Variants in WDR49 observed in about 807,000 individuals in gnomAD.
The protein encoded by WDR49 is WD repeat domain 49.
In WDR49, 107 loss-of-function variants were observed where a neutral mutation model predicts 119.5. That is an observed-to-expected ratio of 0.90 (90% CI 0.77 to 1.05). The LOEUF is 1.05. Ranked by LOEUF, WDR49 falls within the 50% of genes least tolerant of loss-of-function variation. WDR49 has a pLI of 0.00. For missense variants in WDR49, 1,240 were observed against 1,220.5 expected, an observed-to-expected ratio of 1.02 and a Z score of -0.24; for synonymous variants, 425 against 418.8, an observed-to-expected ratio of 1.01 and a Z score of -0.18.
rs183060007 is a variant in WDR49 at position 167,493,495 on chromosome 3, G to T, written c.3031+6658C>A. On this transcript the variant is annotated intron_variant, in intron 18 of 18. Transcript: ENST00000682715. ...TGGTTTCTGGTAACTTCCACGTACA[G>T]CATCTCCGTGGGTTTGCCATTCAGT... is the stretch of plus-strand genomic sequence containing the variant. 2.0e-5 allele frequency among the ~76,000 whole-genome samples: 3 copies of T among 152,252 alleles called. No individual in the cohort carries two copies. The East Asian group carries it at 5.8e-4, about 29-fold the overall frequency.
At position 167,532,763 on chromosome 3, in the gene WDR49, G is replaced by T. The variant is rs139515211; in HGVS notation, c.2053+116C>A. ...AGACAATGATATCCTTAATCCTTCA[G>T]GCTTATAGCCAATCATCTATAATTT... On this transcript the variant is annotated intron_variant, in intron 12 of 18. Transcript: ENST00000682715. 1,369 of 662,676 alleles carry T rather than the reference G, an allele frequency of 2.1e-3. 14 individuals carry two copies. The East Asian group carries it at 0.023, about 11-fold the overall frequency. The allele number at this position is 662,676 out of a possible 1,614,324, so 41.0% of individuals were successfully genotyped here.
At chr3:167,515,136 C>A (rs1752151171) in intron 16 of WDR49, among the ~76,000 whole-genome samples, 1 of 152,120 alleles carries the variant, frequency 6.6e-6, no homozygotes, top group African/African-American at 2.4e-5. Flanking sequence ...ATTTTATGAG[C>A]TCAGTATCAT....
At chr3:167,657,298 T>G (rs952671533), upstream of WDR49, among the ~76,000 whole-genome samples, 1 of 152,222 alleles carries the variant, frequency 6.6e-6, no homozygotes, top group African/African-American at 2.4e-5. Context: ...ATTCCTTATA[T>G]TCTTTTTGTC....
At chr3:167,544,365 T>C (rs1712034271) in intron 10 of WDR49, among the ~76,000 whole-genome samples, 1 of 152,022 alleles carries the variant, frequency 6.6e-6, no homozygotes, top group African/African-American at 2.4e-5. Context: ...AAAGTAATAG[T>C]AAGCAAAAAG....
In WDR49 at chr3:167,619,493, C is replaced by T. The variant is rs112933597; in HGVS notation, c.958+936G>A. Among the ~76,000 whole-genome samples, 678 of 152,140 alleles carry T rather than the reference C, an allele frequency of 4.5e-3. 5 individuals are homozygous for T. Among genetic ancestry groups the T allele is most frequent in the African/African-American group, 0.013 (549 of 41,508 alleles). On this transcript the variant is annotated intron_variant, in intron 5 of 18. Coordinates refer to ENST00000682715, the MANE Select transcript of WDR49 (RefSeq NM_001366157.1). ...ATATCAAAGAAAAAAATGAAGAGCA[C>T]ATAGTTCCTCACATAGGAAATTCTT...
intron 7 of WDR49, among the ~76,000 whole-genome samples, chr3:167,601,771 C>T (rs1272271065): frequency 6.6e-6 from 1 of 152,088 alleles, no homozygotes; most frequent in East Asian, 1.9e-4. Flanking sequence ...ATTTAATTGC[C>T]TATGCCTGGA....
At chr3:167,636,958 C>A (rs952199171) in intron 2 of WDR49, among the ~76,000 whole-genome samples, 1 of 151,666 alleles carries the variant, frequency 6.6e-6, no homozygotes, top group Non-Finnish European at 1.5e-5. Context: ...GTTTACTCTG[C>A]TGACTGTTCC....
intron 10 of WDR49, among the ~76,000 whole-genome samples, chr3:167,538,378 G>C (rs542085701): frequency 6.6e-6 from 1 of 152,088 alleles, no homozygotes; most frequent in Non-Finnish European, 1.5e-5. Flanking sequence ...CTCTTCCCCA[G>C]TCAAATCAAA....
At chr3:167,557,120 C>T (rs1253300139) in intron 9 of WDR49, among the ~76,000 whole-genome samples, 1 of 152,216 alleles carries the variant, frequency 6.6e-6, no homozygotes, top group Admixed American at 6.5e-5. Context: ...TCACTTGAAC[C>T]TGAGAGGCAG....
intron 8 of WDR49, among the ~76,000 whole-genome samples, chr3:167,563,808 CTG>C (rs1485890005): frequency 6.6e-6 from 1 of 152,162 alleles, no homozygotes. Flanking sequence ...TTGTTGTTAA[CTG>C]TAGTCACCAT....
chr3:167,528,714 T>C (rs1320045265), intron 14 of WDR49, among the ~76,000 whole-genome samples: 1 of 151,902 alleles, frequency 6.6e-6, no homozygotes, highest in Non-Finnish European at 1.5e-5. Context: ...GGAGATCCTG[T>C]CTCAAAATAA....
intron 2 of WDR49, among the ~76,000 whole-genome samples, chr3:167,644,756 C>T (rs1232842336): frequency 6.6e-6 from 1 of 152,030 alleles, no homozygotes; most frequent in Non-Finnish European, 1.5e-5. Flanking sequence ...GGCAAATTGC[C>T]TTCCAGAAAA....
At chr3:167,498,715 T>A (rs1004020027) in intron 18 of WDR49, among the ~76,000 whole-genome samples, 9 of 152,190 alleles carry the variant, frequency 5.9e-5, no homozygotes, top group Admixed American at 2.0e-4. Context: ...GGTGTGGTAA[T>A]GACTTTTAAT....
At chr3:167,642,278 C>T (rs1411304947) in intron 2 of WDR49, among the ~76,000 whole-genome samples, 1 of 151,792 alleles carries the variant, frequency 6.6e-6, no homozygotes, top group African/African-American at 2.4e-5. Context: ...AACCCATGTA[C>T]CTGTAATGCA....
At chr3:167,631,622 G>A (rs150070548) in intron 2 of WDR49, among the ~76,000 whole-genome samples, 25 of 152,218 alleles carry the variant, frequency 1.6e-4, no homozygotes, top group African/African-American at 5.5e-4. Flanking sequence ...GATTCATTAT[G>A]AGAGAATAAA....
At chr3:167,540,907 G>A (rs902326727) in intron 10 of WDR49, among the ~76,000 whole-genome samples, 1 of 151,886 alleles carries the variant, frequency 6.6e-6, no homozygotes, top group Non-Finnish European at 1.5e-5. Flanking sequence ...TATAGAAAAT[G>A]CACTGGAAAG....
chr3:167,615,161 T>TATTC (rs1317148552), intron 5 of WDR49, among the ~76,000 whole-genome samples: 1 of 152,198 alleles, frequency 6.6e-6, no homozygotes, highest in East Asian at 1.9e-4. Context: ...GACTGAAGTA[T>TATTC]ATTCACCTTT....
rs762998135 is a variant in WDR49, at chr3:167,560,060, G to T, written c.1674+4C>A. 1.9e-6 allele frequency: 3 copies of T among 1,613,676 alleles called. No homozygotes were observed. The highest frequency in any genetic ancestry group is 2.5e-6 in the Non-Finnish European group (3 of 1,179,864). On this transcript the variant is annotated splice_donor_region_variant and intron_variant, in intron 9 of 18. Transcript: ENST00000682715. ...TGGATAGAAAAGCATCATTGTGTTC[G>T]CACCTTTACAGTCCCATCTGTGCTG...
chr3:167,609,476 G>A (rs7652890), intron 5 of WDR49, among the ~76,000 whole-genome samples: 3,470 of 152,154 alleles, frequency 0.023, 118 homozygotes, highest in African/African-American at 0.076. Flanking sequence ...AACTCAACTG[G>A]TGCCCGCCCA....
Sources: gnomAD v4.1 joint callset for allele counts (sites outside exome capture counted in the v4.1 genomes callset) on GRCh38, gnomAD v4.1.1 for gene constraint, MANE v1.5 for transcripts, NCBI Gene and HGNC (gene_info 2026-07-23, HGNC 2026-07-21) for gene names.